FGF1: variants seen among roughly 807,000 people sequenced by gnomAD.
The protein encoded by FGF1 is beta-endothelial cell growth factor.
FGF1 carries 9 observed loss-of-function variants against 13.4 expected under a neutral mutation model. The ratio of observed to expected loss-of-function variants is 0.67; its 90% CI spans 0.40 to 1.17. The LOEUF (loss-of-function observed/expected upper bound fraction) is 1.17, where lower values mean the gene tolerates loss of function less well. FGF1 is among the 50% of genes most tolerant of loss of function. The pLI is 0.01. For synonymous variants in FGF1, 93 were observed against 79.0 expected (o/e 1.18, Z -0.94); for missense variants, 156 against 192.7 (o/e 0.81, Z 1.13).
intron 2 of FGF1, among the ~76,000 whole-genome samples, chr5:142,606,216 C>CTGTG (rs1475595559): frequency 6.6e-3 from 483 of 73,588 alleles, no homozygotes; most frequent in African/African-American, 0.014. Flanking sequence ...TTCTTTCTCT[C>CTGTG]TCTGTGTGTG....
intron 1 of FGF1, among the ~76,000 whole-genome samples, chr5:142,635,286 CAT>C (rs1172357108): frequency 6.6e-6 from 1 of 152,172 alleles, no homozygotes; most frequent in African/African-American, 2.4e-5. Flanking sequence ...TGAGATAATG[CAT>C]GTAAAACACC....
chr5:142,616,490 A>G (rs1760273481), intron 1 of FGF1, among the ~76,000 whole-genome samples: 1 of 152,242 alleles, frequency 6.6e-6, no homozygotes, highest in Admixed American at 6.5e-5. Context: ...TACCACATAT[A>G]TGTAATTTTA....
upstream of FGF1, among the ~76,000 whole-genome samples, chr5:142,689,573 C>T (rs1052648758): frequency 3.3e-5 from 5 of 152,120 alleles, no homozygotes; most frequent in Non-Finnish European, 5.9e-5. Flanking sequence ...GCTGGTTAGC[C>T]TGATTCTTCA....
chr5:142,671,701 G>GTT (rs1771491082), intron 1 of FGF1: 1 of 152,234 alleles, frequency 6.6e-6, no homozygotes. Context: ...ATGGGAGGGA[G>GTT]TTTTCGAAAC....
intron 2 of FGF1, 81 bp downstream of exon 2, chr5:142,613,878 T>C: frequency 7.0e-7 from 1 of 1,432,094 alleles, no homozygotes; most frequent in Non-Finnish European, 9.5e-7. Context: ...CAAGTACCTG[T>C]ACTTAAATGT....
intron 1 of FGF1, among the ~76,000 whole-genome samples, chr5:142,650,979 G>T (rs1195276001): frequency 6.6e-6 from 1 of 152,138 alleles, no homozygotes; most frequent in Non-Finnish European, 1.5e-5. Flanking sequence ...CGTGCACACA[G>T]CCCAAATCAA....
rs866865622 is a variant in FGF1 at position 142,667,927 on chromosome 5, C to T, written c.-35+18030G>A. 2.6e-5 allele frequency among the ~76,000 whole-genome samples: 4 copies of T among 152,240 alleles called. No individual in the cohort carries two copies. The South Asian group carries it at 8.3e-4, about 31-fold the overall frequency. ...CTGACTGTCCCCTCTGGCCTCGCTC[C>T]CACTGACTTGGGATGCCACAGCGGT... On this transcript the variant is annotated intron_variant, in intron 1 of 3. Transcript: ENST00000337706.
chr5:142,685,073 A>C (rs772516915), intron 1 of FGF1, among the ~76,000 whole-genome samples: 12 of 152,178 alleles, frequency 7.9e-5, no homozygotes, highest in Non-Finnish European at 1.5e-4. Flanking sequence ...TAAATGCCTG[A>C]AATTTCCATC....
chr5:142,603,179 C>T (rs767055378), intron 2 of FGF1, among the ~76,000 whole-genome samples: 12 of 152,214 alleles, frequency 7.9e-5, no homozygotes, highest in Non-Finnish European at 1.5e-4. Flanking sequence ...ACCACTTGCT[C>T]GCTCTTTCTG....
chr5:142,655,361 A>G (rs1767976988), intron 1 of FGF1, among the ~76,000 whole-genome samples: 1 of 152,160 alleles, frequency 6.6e-6, no homozygotes, highest in African/African-American at 2.4e-5. Flanking sequence ...ACTCCCCACC[A>G]CACCATAGGT....
chr5:142,644,768 G>A (rs1765735294), intron 1 of FGF1, among the ~76,000 whole-genome samples: 1 of 152,224 alleles, frequency 6.6e-6, no homozygotes. Flanking sequence ...GACTAAAGCT[G>A]TTTAGCTTGT....
chr5:142,662,483 A>C (rs747516701), intron 1 of FGF1, among the ~76,000 whole-genome samples: 12 of 152,168 alleles, frequency 7.9e-5, no homozygotes, highest in Non-Finnish European at 1.3e-4. Context: ...TCAAGAGGGG[A>C]AGGATTTTTG....
At chr5:142,662,339 G>T (rs1056470258) in intron 1 of FGF1, among the ~76,000 whole-genome samples, 9 of 152,120 alleles carry the variant, frequency 5.9e-5, no homozygotes, top group Admixed American at 3.3e-4. Context: ...CAATTTCTTA[G>T]CTCTCTTGGA....
chr5:142,598,644 A>G (rs757198198), intron 3 of FGF1, among the ~76,000 whole-genome samples: 3 of 152,184 alleles, frequency 2.0e-5, no homozygotes, highest in Non-Finnish European at 4.4e-5. Context: ...CACACACACA[A>G]GTTTGAATCA....
intron 1 of FGF1, among the ~76,000 whole-genome samples, chr5:142,619,160 T>C (rs1332952436): frequency 6.6e-6 from 1 of 151,972 alleles, no homozygotes; most frequent in Non-Finnish European, 1.5e-5. Flanking sequence ...GGTCTCGATC[T>C]CCTGACCTCG....
intron 1 of FGF1, among the ~76,000 whole-genome samples, chr5:142,650,642 CATATACACTTTATATGTGTGTGTGTGTAT>C (rs2151973570): frequency 6.6e-6 from 1 of 152,060 alleles, no homozygotes; most frequent in Non-Finnish European, 1.5e-5. Flanking sequence ...ATAATCAATG[CATATACACTTTATATGTGTGTGTGTGTAT>C]ATATACACAC....
intron 1 of FGF1, among the ~76,000 whole-genome samples, chr5:142,684,152 A>G (rs1437035105): frequency 1.3e-5 from 2 of 152,188 alleles, no homozygotes; most frequent in Non-Finnish European, 2.9e-5. Flanking sequence ...CAAGATCCTA[A>G]TAGTTTATGT....
intron 1 of FGF1, among the ~76,000 whole-genome samples, chr5:142,625,474 T>C (rs1172545075): frequency 6.6e-6 from 1 of 152,220 alleles, no homozygotes; most frequent in Admixed American, 6.5e-5. Context: ...TCAGGAATTC[T>C]TTTAAGTGCT....
intron 1 of FGF1, among the ~76,000 whole-genome samples, chr5:142,650,331 A>T (rs1214931406): frequency 6.6e-6 from 1 of 152,266 alleles, no homozygotes; most frequent in Non-Finnish European, 1.5e-5. Context: ...CAAAAGGTTC[A>T]GAAAGACAGT....
Sources: gnomAD v4.1 joint callset for allele counts (sites outside exome capture counted in the v4.1 genomes callset) on GRCh38, gnomAD v4.1.1 for gene constraint, MANE v1.5 for transcripts, NCBI Gene and HGNC (gene_info 2026-07-23, HGNC 2026-07-21) for gene names.